TGM7: variants seen among roughly 807,000 people sequenced by gnomAD.
TGM7 encodes the protein transglutaminase 7, also known as protein-glutamine gamma-glutamyltransferase Z.
A neutral mutation model predicts 79.5 loss-of-function variants in TGM7; 74 were observed. The observed-to-expected ratio is 0.93, with a 90% confidence interval of 0.77 to 1.13. TGM7 has a LOEUF of 1.13. Among genes scored for constraint, TGM7 ranks in the 50% most tolerant of loss-of-function variants. The probability of loss-of-function intolerance (pLI) is 0.00; values close to 1 mark genes in which losing one functional copy is unlikely to be tolerated. For missense variants in TGM7, 912 were observed against 905.9 expected (o/e 1.01, Z -0.09); for synonymous variants, 354 against 362.5 (o/e 0.98, Z 0.27).
chr15:43,278,069 G>C (rs980747396), intron 11 of TGM7, among the ~76,000 whole-genome samples: 3 of 152,256 alleles, frequency 2.0e-5, no homozygotes, highest in Admixed American at 6.5e-5. Flanking sequence ...AGGCTGCCTG[G>C]TGTCAGCTGG....
At chr15:43,287,253 C>T (rs1566844707) in intron 6 of TGM7, 27 bp downstream of exon 6, 5 of 1,605,080 alleles carry the variant, frequency 3.1e-6, no homozygotes, top group East Asian at 4.5e-5. Context: ...GTTAATCACA[C>T]CCCTAAGTGA....
chr15:43,281,992 G>A lies in TGM7; in HGVS notation c.1203C>T (p.Asn401=), dbSNP rs747981155. Residue 401 remains asparagine, a synonymous_variant, in exon 9 of 13, where the codon AAC becomes AAT. Coordinates refer to ENST00000452443, the MANE Select transcript of TGM7 (RefSeq NM_052955.3). Reference sequence around the variant, plus strand: ...CAAGGAGCCAAATGACTTCATCGGCGTTCACCTCGGCATACACAAAAGGGG... The same window carrying A: ...CAAGGAGCCAAATGACTTCATCGGCATTCACCTCGGCATACACAAAAGGGG... The part of the protein sequence containing the change: ...YDTPFVYAEV[N]ADEVIWLLGD... 8 of 1,614,062 alleles carry A rather than the reference G, an allele frequency of 5.0e-6. No homozygotes were observed. The highest frequency in any genetic ancestry group is 1.3e-5 in the African/African-American group (1 of 74,908).
At chr15:43,302,120 T>C (rs1416581068) in intron 1 of TGM7, 121 bp downstream of exon 1, 3 of 1,177,292 alleles carry the variant, frequency 2.5e-6, no homozygotes, top group African/African-American at 1.5e-5. Context: ...TATTGCACAA[T>C]GAACTACCAA....
In TGM7 at chr15:43,287,306, C is replaced by G; in HGVS notation, c.839G>C (p.Trp280Ser). The G allele has an allele frequency of 1.2e-6, 2 of 1,613,744 alleles. No individual in the cohort carries two copies. Among genetic ancestry groups the G allele is most frequent in the Admixed American group, 3.3e-5 (2 of 60,010 alleles). Residue 280 changes from tryptophan to serine, a missense_variant, in exon 6 of 13, where the codon TGG becomes TCG. Trp to Ser is a radical substitution (Grantham distance 177). Transcript: ENST00000452443. The stretch of plus-strand genomic sequence containing the variant: ...GGTGCACATAACAGAGGCGAAGACC[C>G]AGCACTGTCCGTACTTCACAGGCTG... Reference protein sequence around the residue: ...GGQPVKYGQCWVFASVMCTVM... With the variant: ...GGQPVKYGQCSVFASVMCTVM...
intron 4 of TGM7, 105 bp from the exon 5 acceptor site, chr15:43,287,774 T>G: frequency 7.4e-7 from 1 of 1,350,388 alleles, no homozygotes; most frequent in Non-Finnish European, 1.0e-6. Context: ...TATGGGGATG[T>G]GGGGGCAGGG....
intron 2 of TGM7, 124 bp downstream of exon 2, chr15:43,293,325 G>A: frequency 7.8e-7 from 1 of 1,276,126 alleles, no homozygotes; most frequent in Non-Finnish European, 1.1e-6. Flanking sequence ...TGAGGGGTCT[G>A]GGGCTCCCAG....
chr15:43,290,084 C>T (rs1483013596), intron 4 of TGM7, among the ~76,000 whole-genome samples: 3 of 152,104 alleles, frequency 2.0e-5, no homozygotes, highest in Admixed American at 6.6e-5. Context: ...TCCCATTTGT[C>T]GATTTTGGCT....
intron 1 of TGM7, among the ~76,000 whole-genome samples, chr15:43,294,412 G>C (rs545346394): frequency 3.5e-4 from 54 of 152,206 alleles, no homozygotes; most frequent in Non-Finnish European, 6.6e-4. Context: ...GTGAGACCTC[G>C]AGCAAGTCAC....
chr15:43,282,481 A>G (rs1284618207), intron 8 of TGM7, 36 bp downstream of exon 8: 1 of 1,535,482 alleles, frequency 6.5e-7, no homozygotes, highest in East Asian at 2.4e-5. Flanking sequence ...CTGCCTCCCC[A>G]CAGAGCCAGA....
chr15:43,279,019 T>G, intron 11 of TGM7, 98 bp downstream of exon 11: 3 of 1,319,268 alleles, frequency 2.3e-6, no homozygotes, highest in Non-Finnish European at 3.1e-6. Flanking sequence ...ATCGGTGTGG[T>G]GAGAGGTGGG....
rs978304413 is a variant in TGM7, at chr15:43,300,732, C to T, written c.10+1509G>A. Among the ~76,000 whole-genome samples, 4 of 152,240 alleles carry T rather than the reference C, an allele frequency of 2.6e-5. No homozygotes were observed. In the South Asian group the frequency reaches 8.3e-4, roughly 32 times the overall value. The stretch of plus-strand genomic sequence containing the variant: ...AGGAGAATGGCGTGAACCCTGGAGG[C>T]GGAGCTTGCAGTGAACCGAGATTGC... On this transcript the variant is annotated intron_variant, in intron 1 of 12. Transcript: ENST00000452443.
Position 43,279,834 on chromosome 15 carries a change from G to T in TGM7, c.1469C>A (p.Ala490Glu). 1 of 1,614,230 alleles carries T rather than the reference G, an allele frequency of 6.2e-7. No individual in the cohort carries two copies. The highest frequency in any genetic ancestry group is 1.1e-5 in the South Asian group (1 of 91,090). ...LESGGLRDQP[A>E]QLQLHLARIP... ...CCTGGCCAGGTGAAGCTGCAGCTGC[G>T]CTGGCTGATCCCTAAGACCCCCAGA... Residue 490 changes from alanine to glutamate, a missense_variant, in exon 10 of 13, where the codon GCG (alanine) becomes GAG (glutamate). Ala to Glu is a moderately radical substitution (Grantham distance 107). Coordinates refer to ENST00000452443, the MANE Select transcript of TGM7 (RefSeq NM_052955.3).
Position 43,292,717 on chromosome 15 carries a change from C to A in TGM7, c.431G>T (p.Trp144Leu). 1 of 1,614,036 alleles carries A rather than the reference C, an allele frequency of 6.2e-7. No homozygotes were observed. The highest frequency in any genetic ancestry group is 8.5e-7 in the Non-Finnish European group (1 of 1,180,014). The change falls in exon 3 of 13, where the codon TGG (tryptophan) becomes TTG (leucine). Residue 144 changes from tryptophan (W) to leucine (L), a missense_variant. Coordinates refer to ENST00000452443, the MANE Select transcript of TGM7 (RefSeq NM_052955.3). ...LGTFILLFNPWSPEDDVYLPS... is the reference protein window; with the variant it reads ...LGTFILLFNPLSPEDDVYLPS... ...CTGTGGGCACATCCTACCTGGACTCCAAGGGTTAAAAAGTAGGATGAAAGT... is the reference window on the plus strand; with the variant it reads ...CTGTGGGCACATCCTACCTGGACTCAAAGGGTTAAAAAGTAGGATGAAAGT...
chr15:43,285,598 C>G (rs1255707971), intron 6 of TGM7, among the ~76,000 whole-genome samples: 1 of 151,996 alleles, frequency 6.6e-6, no homozygotes. Flanking sequence ...TGTAATTCTA[C>G]TTAAAGACAA....
At chr15:43,282,418 T>C in intron 8 of TGM7, 99 bp downstream of exon 8, 4 of 1,051,878 alleles carry the variant, frequency 3.8e-6, no homozygotes, top group Non-Finnish European at 5.6e-6. Context: ...GAGGGTGCCG[T>C]GGAAAACGCT....
chr15:43,301,868 G>C (rs2043026977), intron 1 of TGM7, among the ~76,000 whole-genome samples: 1 of 152,050 alleles, frequency 6.6e-6, no homozygotes, highest in Admixed American at 6.6e-5. Flanking sequence ...GAGAGGTCTA[G>C]GGTCTGAGAG....
chr15:43,301,638 A>G (rs2043026047), intron 1 of TGM7, among the ~76,000 whole-genome samples: 1 of 151,396 alleles, frequency 6.6e-6, no homozygotes, highest in Admixed American at 6.6e-5. Flanking sequence ...TCAAAAAAAA[A>G]AAAAAGAAAA....
At chr15:43,287,012 G>A (rs868298535) in intron 6 of TGM7, among the ~76,000 whole-genome samples, 2 of 152,106 alleles carry the variant, frequency 1.3e-5, no homozygotes, top group South Asian at 2.1e-4. Flanking sequence ...TTTCTGCTTC[G>A]GGACCACAAA....
chr15:43,292,496 A>T (rs150180553), intron 3 of TGM7, among the ~76,000 whole-genome samples: 2 of 152,252 alleles, frequency 1.3e-5, no homozygotes, highest in Non-Finnish European at 2.9e-5. Context: ...TTAGGCTCAT[A>T]TTAGGAAATG....
Sources: allele counts gnomAD v4.1 joint callset (sites outside exome capture counted in the v4.1 genomes callset), GRCh38; gene constraint gnomAD v4.1.1; transcripts MANE v1.5; gene names NCBI Gene and HGNC (gene_info 2026-07-23, HGNC 2026-07-21).